SYN3: variants seen among roughly 807,000 people sequenced by gnomAD.
SYN3 encodes synapsin III.
In SYN3, 35 loss-of-function variants were observed where a neutral mutation model predicts 65.8. That is an observed-to-expected ratio of 0.53 (90% CI 0.41 to 0.70). The LOEUF is 0.70. Ranked by LOEUF, SYN3 falls within the 30% of genes least tolerant of loss-of-function variation. The pLI, the probability that SYN3 is intolerant of heterozygous loss-of-function variation, is 0.00. For synonymous variants in SYN3, 270 were observed against 292.9 expected (o/e 0.92, Z 0.80); for missense variants, 680 against 749.0 (o/e 0.91, Z 1.08).
At chr22:32,867,329 T>G (rs1426970291) in intron 5 of SYN3, among the ~76,000 whole-genome samples, 1 of 152,222 alleles carries the variant, frequency 6.6e-6, no homozygotes, top group African/African-American at 2.4e-5. Flanking sequence ...CACATGCCCC[T>G]GCTCACTAGA....
chr22:32,646,521 C>T (rs2059985961), intron 6 of SYN3, among the ~76,000 whole-genome samples: 1 of 152,162 alleles, frequency 6.6e-6, no homozygotes, highest in Non-Finnish European at 1.5e-5. Context: ...TTTTAAACAT[C>T]CGGCTAGCGC....
intron 7 of SYN3, among the ~76,000 whole-genome samples, chr22:32,569,672 G>A (rs2058733557): frequency 6.6e-6 from 1 of 151,732 alleles, no homozygotes; most frequent in Non-Finnish European, 1.5e-5. Context: ...CAAATGGAAG[G>A]TATGGCTTTG....
rs1364569930 is a variant in SYN3, at chr22:33,006,613, A to G, written c.50T>C (p.Leu17Pro). Residue 17 changes from leucine (L) to proline (P), a missense_variant, in exon 2 of 14, where the codon CTG (leucine) becomes CCG (proline). Transcript: ENST00000358763. ...CAGGTCCGTCATATAGCCATTAGGC[A>G]GGTTGGCCATGAAGCTGCTGTCAGA... ...RLSDSSFMAN[L>P]PNGYMTDLQR... 3.1e-6 allele frequency: 5 copies of G among 1,607,368 alleles called. No homozygotes were observed. Among genetic ancestry groups the G allele is most frequent in the Non-Finnish European group, 2.6e-6 (3 of 1,176,236 alleles).
rs73156450 is a variant in SYN3 at position 32,742,477 on chromosome 22, A to G, written c.711+122438T>C. 7.3e-3 allele frequency among the ~76,000 whole-genome samples: 1,112 copies of G among 152,226 alleles called. 4 individuals carry two copies. Among genetic ancestry groups the G allele is most frequent in the Non-Finnish European group, 8.4e-3 (568 of 68,010 alleles). On this transcript the variant is annotated intron_variant, in intron 6 of 13. Coordinates refer to ENST00000358763, the MANE Select transcript of SYN3 (RefSeq NM_003490.4). ...CTGGCTTGGCAGTGGAGGCAAGGAA[A>G]AGAATGGTTGGGAGAGGATGGGAAA...
At chr22:33,042,804 G>A (rs1569420531) in intron 1 of SYN3, among the ~76,000 whole-genome samples, 1 of 152,254 alleles carries the variant, frequency 6.6e-6, no homozygotes, top group South Asian at 2.1e-4. Flanking sequence ...TAGGAGTCAG[G>A]TTAGAACTGA....
intron 2 of SYN3, among the ~76,000 whole-genome samples, chr22:33,004,798 G>T (rs1329210131): frequency 1.3e-5 from 2 of 152,216 alleles, no homozygotes; most frequent in Non-Finnish European, 2.9e-5. Flanking sequence ...TGTTGGGAAG[G>T]CATGATTGTG....
intron 6 of SYN3, among the ~76,000 whole-genome samples, chr22:32,766,552 G>T (rs1403594550): frequency 6.6e-6 from 1 of 152,136 alleles, no homozygotes; most frequent in Non-Finnish European, 1.5e-5. Flanking sequence ...CACCCAGAAG[G>T]CCATACCTAT....
chr22:33,054,262 C>T (rs2054219312), intron 1 of SYN3, among the ~76,000 whole-genome samples: 1 of 152,164 alleles, frequency 6.6e-6, no homozygotes, highest in Non-Finnish European at 1.5e-5. Flanking sequence ...ACAGCCAATT[C>T]CTGTCTCTAT....
intron 2 of SYN3, among the ~76,000 whole-genome samples, chr22:32,997,787 G>C (rs1237996485): frequency 6.6e-6 from 1 of 152,088 alleles, no homozygotes; most frequent in Non-Finnish European, 1.5e-5. Flanking sequence ...AGCACGTTGG[G>C]AGGCCGAGGC....
chr22:32,558,487 C>CATA (rs2058536100), intron 7 of SYN3, among the ~76,000 whole-genome samples: 1 of 152,238 alleles, frequency 6.6e-6, no homozygotes, highest in East Asian at 1.9e-4. Flanking sequence ...TTCAGAACCC[C>CATA]ATGATCTGTC....
Position 33,025,395 on chromosome 22 carries a change from G to A in SYN3, c.-162-18571C>T, listed in dbSNP as rs77751649. ...CTTGAACCCAGGAGGTGGAGGTTGC[G>A]CCACTGCACTCCAGGGTGACAGTGC... On this transcript the variant is annotated intron_variant, in intron 1 of 13. Transcript: ENST00000358763. 7.7e-5 allele frequency among the ~76,000 whole-genome samples: 11 copies of A among 142,038 alleles called. No homozygotes were observed. The East Asian group carries it at 1.9e-3, about 24-fold the overall frequency. The allele number at this position is 142,038 out of a possible 152,430, so 93.2% of individuals were successfully genotyped here. A position where few individuals can be genotyped will look rare whatever the true frequency, so the allele number is the denominator to read the frequency against.
intron 12 of SYN3, 22 bp from the exon 13 acceptor site, chr22:32,518,356 G>C: frequency 6.2e-7 from 1 of 1,608,688 alleles, no homozygotes; most frequent in Non-Finnish European, 8.5e-7. Context: ...GAAAAAAAAA[G>C]GTTCAGTTCA....
At chr22:32,803,495 A>G (rs1310267274) in intron 6 of SYN3, among the ~76,000 whole-genome samples, 1 of 152,020 alleles carries the variant, frequency 6.6e-6, no homozygotes, top group Non-Finnish European at 1.5e-5. Flanking sequence ...CCCTTGTAAG[A>G]GGCTCCCTGG....
At chr22:32,627,975 C>T (rs1282600177) in intron 6 of SYN3, among the ~76,000 whole-genome samples, 4 of 152,148 alleles carry the variant, frequency 2.6e-5, no homozygotes, top group African/African-American at 9.7e-5. Context: ...ACTACAGGCA[C>T]ATGCCACCAC....
intron 3 of SYN3, among the ~76,000 whole-genome samples, chr22:32,958,008 G>A (rs12160467): frequency 0.01 from 1,562 of 152,218 alleles, 24 homozygotes; most frequent in African/African-American, 0.035. Context: ...AATGCATTCC[G>A]CATCAAGAAG....
At chr22:33,013,478 T>A (rs1406558814) in intron 1 of SYN3, among the ~76,000 whole-genome samples, 2 of 152,212 alleles carry the variant, frequency 1.3e-5, no homozygotes, top group East Asian at 3.8e-4. Context: ...TTCTGTGATG[T>A]TTTGCTATGT....
At chr22:32,727,809 C>A (rs1439871451) in intron 6 of SYN3, among the ~76,000 whole-genome samples, 1 of 152,192 alleles carries the variant, frequency 6.6e-6, no homozygotes, top group Non-Finnish European at 1.5e-5. Context: ...TGTCCTTTGC[C>A]CACTTTTTAA....
intron 6 of SYN3, among the ~76,000 whole-genome samples, chr22:32,664,892 G>A (rs1409471694): frequency 1.3e-5 from 2 of 151,430 alleles, no homozygotes; most frequent in Non-Finnish European, 2.9e-5. Flanking sequence ...GATTACAGGC[G>A]TGAACCACTG....
chr22:32,644,073 C>CAA lies in SYN3; in HGVS notation c.712-47339_712-47338dup, dbSNP rs1175308291. Among the ~76,000 whole-genome samples, 11 of 3,904 alleles carry CAA rather than the reference C, an allele frequency of 2.8e-3. 2 individuals carry two copies. The highest frequency in any genetic ancestry group is 4.8e-3 in the Non-Finnish European group (7 of 1,470). 2.6% of individuals were successfully genotyped at this position (3,904 alleles called of 152,430 possible). On this transcript the variant is annotated intron_variant, in intron 6 of 13. Transcript: ENST00000358763. Reference sequence around the variant, plus strand: ...AGCCTGGGCAAGCGAGACTCTGCCTCAAAAAAAAAAAAAAAAAAAAAAAAA... The same window carrying CAA: ...AGCCTGGGCAAGCGAGACTCTGCCTCAAAAAAAAAAAAAAAAAAAAAAAAAAA...
Sources: gnomAD v4.1 joint callset for allele counts (sites outside exome capture counted in the v4.1 genomes callset) on GRCh38, gnomAD v4.1.1 for gene constraint, MANE v1.5 for transcripts, NCBI Gene and HGNC (gene_info 2026-07-23, HGNC 2026-07-21) for gene names.